Variants in RBBP6 observed in about 807,000 individuals in gnomAD.
RBBP6 encodes RB binding protein 6, ubiquitin ligase, also known as E3 ubiquitin-protein ligase RBBP6.
Under a neutral mutation model 167.7 loss-of-function variants are expected in RBBP6, and 25 were observed. That is an observed-to-expected ratio of 0.15 (90% confidence interval 0.11 to 0.21). The LOEUF (loss-of-function observed/expected upper bound fraction) is 0.21, where lower values mean the gene tolerates loss of function less well. RBBP6 is among the 10% of genes least tolerant of loss of function. The probability of loss-of-function intolerance (pLI) is 1.00; values close to 1 mark genes in which losing one functional copy is unlikely to be tolerated. For synonymous variants in RBBP6, 789 were observed against 735.8 expected (o/e 1.07, Z -1.17); for missense variants, 1,868 against 2,134.2 (o/e 0.88, Z 2.46).
intron 8 of RBBP6, among the ~76,000 whole-genome samples, chr16:24,560,862 C>G (rs889053062): frequency 6.6e-6 from 1 of 152,114 alleles, no homozygotes; most frequent in Non-Finnish European, 1.5e-5. Context: ...CATCTACAGA[C>G]GTTATCTTCA....
At chr16:24,561,456 A>AT (rs1899053333) in intron 8 of RBBP6, among the ~76,000 whole-genome samples, 156 bp from the exon 9 acceptor site, 1 of 152,186 alleles carries the variant, frequency 6.6e-6, no homozygotes. Context: ...AAGATGAGAG[A>AT]TTTTACTTAA....
Position 24,571,176 on chromosome 16 carries a change from C to T in RBBP6, c.4110C>T (p.Ser1370=), listed in dbSNP as rs780058681. ...ATCCTGAGAAAGAAAGTGAGCCATC[C>T]GAGAAAATTCAGAAATTCACCAAGG... The part of the protein sequence containing the change: ...VKYPEKESEP[S]EKIQKFTKDV... Residue 1370 remains serine, a synonymous_variant, in exon 18 of 18, where the codon TCC becomes TCT. Coordinates refer to ENST00000319715, the MANE Select transcript of RBBP6 (RefSeq NM_006910.5). 2.7e-5 allele frequency: 43 copies of T among 1,613,406 alleles called. No individual in the cohort carries two copies. Among genetic ancestry groups the T allele is most frequent in the African/African-American group, 4.0e-5 (3 of 74,810 alleles).
intron 4 of RBBP6, 172 bp from the exon 5 acceptor site, chr16:24,555,443 T>G (rs1898890203): frequency 3.5e-6 from 2 of 572,236 alleles, no homozygotes; most frequent in Non-Finnish European, 6.2e-6. Flanking sequence ...CTAAACATCA[T>G]GTAATTACCT....
In RBBP6 at chr16:24,571,667, C is replaced by G. The variant is rs763378882; in HGVS notation, c.4601C>G (p.Ser1534Cys). The part of the protein sequence containing the change: ...KGTGDSKKSN[S>C]SPSRDRKPHD... ...ACAGGAGATTCCAAAAAAAGTAATT[C>G]TAGTCCCTCAAGAGACAGAAAACCT... Residue 1534 changes from serine (S) to cysteine (C), a missense_variant, in exon 18 of 18, where the codon TCT becomes TGT. By Grantham distance (112) the Ser-to-Cys change is moderately radical. Around this residue, in one of 7 missense-constraint regions of RBBP6, gnomAD observed 591 missense variants for 540.5 expected, o/e 1.09. Transcript: ENST00000319715. The G allele has an allele frequency of 3.7e-6, 6 of 1,613,848 alleles. No homozygotes were observed. Among genetic ancestry groups the G allele is most frequent in the Non-Finnish European group, 2.5e-6 (3 of 1,179,936 alleles).
intron 14 of RBBP6, among the ~76,000 whole-genome samples, chr16:24,565,246 T>C (rs1899165489): frequency 6.6e-6 from 1 of 152,118 alleles, no homozygotes; most frequent in Non-Finnish European, 1.5e-5. Flanking sequence ...TGAACAAGAA[T>C]TGCAACTATT....
rs1899228107 is a variant in RBBP6 at position 24,567,669 on chromosome 16, T to G, written c.1953-123T>G. On this transcript the variant is annotated intron_variant, in intron 15 of 17. Coordinates refer to ENST00000319715, the MANE Select transcript of RBBP6 (RefSeq NM_006910.5). ...CAACTTCTCAGGGATTCCTAGTTTA[T>G]AGTTTTAAAGTGGAAAACTAATGGC... 5 of 1,254,602 alleles carry G rather than the reference T, an allele frequency of 4.0e-6. No individual in the cohort carries two copies. The African/African-American group carries it at 6.1e-5, about 15-fold the overall frequency. The allele number at this position is 1,254,602 out of a possible 1,614,324, so 77.7% of individuals were successfully genotyped here. A position where few individuals can be genotyped will look rare whatever the true frequency, so the allele number is the denominator to read the frequency against.
intron 1 of RBBP6, among the ~76,000 whole-genome samples, chr16:24,544,408 G>A (rs987177476): frequency 2.0e-5 from 3 of 152,062 alleles, no homozygotes; most frequent in Non-Finnish European, 2.9e-5. Context: ...CCTTCTACTT[G>A]AAGTATATAG....
Position 24,559,589 on chromosome 16 carries a change from C to A in RBBP6, c.759C>A (p.Ile253=). 1.9e-6 allele frequency: 3 copies of A among 1,607,910 alleles called. No individual in the cohort carries two copies. The highest frequency in any genetic ancestry group is 1.7e-6 in the Non-Finnish European group (2 of 1,176,988). Residue 253 remains isoleucine, a synonymous_variant, in exon 8 of 18, where the codon ATC becomes ATA. Transcript: ENST00000319715. ...CTTCCTCAGAAGAAGATGATCCTAT[C>A]CCAGATGAATTGTTGTGTCTCATCT... is the stretch of plus-strand genomic sequence containing the variant. ...PSSSSEEDDP[I]PDELLCLICK...
chr16:24,563,265 A>C lies in RBBP6; in HGVS notation c.1356A>C (p.Ser452=). 1 of 1,611,200 alleles carries C rather than the reference A, an allele frequency of 6.2e-7. No individual in the cohort carries two copies. The highest frequency in any genetic ancestry group is 8.5e-7 in the Non-Finnish European group (1 of 1,178,722). Residue 452 remains serine (S), a synonymous_variant, in exon 11 of 18, where the codon TCA becomes TCC. Coordinates refer to ENST00000319715, the MANE Select transcript of RBBP6 (RefSeq NM_006910.5). ...LASEHSKGTS[S]IAITALMEEK... The stretch of plus-strand genomic sequence containing the variant: ...CAGAGCACTCAAAGGGAACCTCCTC[A>C]ATTGCAATTACCGCTCTTATGGAAG...
At position 24,563,281 on chromosome 16, in the gene RBBP6, C is replaced by T; in HGVS notation, c.1372C>T (p.Leu458Phe). 1.2e-6 allele frequency: 2 copies of T among 1,608,218 alleles called. No homozygotes were observed. Among genetic ancestry groups the T allele is most frequent in the African/African-American group, 1.3e-5 (1 of 74,610 alleles). The change falls in exon 11 of 18, where the codon CTT becomes TTT. Residue 458 changes from leucine to phenylalanine, a missense_variant. Physicochemically the swap from Leu to Phe is conservative, Grantham distance 22. This residue lies in a region of RBBP6 where 245 missense variants were observed against 240.1 expected (regional missense o/e 1.02). Coordinates refer to ENST00000319715, the MANE Select transcript of RBBP6 (RefSeq NM_006910.5). ...KGTSSIAITALMEEKGYQVPV... is the reference protein window; with the variant it reads ...KGTSSIAITAFMEEKGYQVPV... ...AACCTCCTCAATTGCAATTACCGCTCTTATGGAAGAGAAGGTAAATTTTAC... is the reference window on the plus strand; with the variant it reads ...AACCTCCTCAATTGCAATTACCGCTTTTATGGAAGAGAAGGTAAATTTTAC...
chr16:24,564,416 G>A (rs1323334334), intron 13 of RBBP6, among the ~76,000 whole-genome samples: 2 of 151,988 alleles, frequency 1.3e-5, no homozygotes, highest in African/African-American at 2.4e-5. Context: ...CCATTTCCTC[G>A]TTTGGATTTG....
chr16:24,569,103 C>A lies in RBBP6; in HGVS notation c.2413C>A (p.Pro805Thr), dbSNP rs1207273708. The change falls in exon 17 of 18, where the codon CCA (proline) becomes ACA (threonine). Residue 805 changes from proline to threonine, a missense_variant. Physicochemically the swap from Pro to Thr is conservative, Grantham distance 38. This residue lies in a region of RBBP6 where 673 missense variants were observed against 691.5 expected (regional missense o/e 0.97). Transcript: ENST00000319715. ...YFNRYREVPP[P>T]YDMKAYYGRS... ...TAATAGATACAGAGAAGTTCCACCACCATATGACATGAAAGCATATTATGG... is the reference window on the plus strand; with the variant it reads ...TAATAGATACAGAGAAGTTCCACCAACATATGACATGAAAGCATATTATGG... 1.9e-6 allele frequency: 3 copies of A among 1,613,588 alleles called. No individual in the cohort carries two copies. Among genetic ancestry groups the A allele is most frequent in the Non-Finnish European group, 2.5e-6 (3 of 1,179,880 alleles).
rs2141480923 is a variant in RBBP6 at position 24,572,133 on chromosome 16, G to T, written c.5067G>T (p.Arg1689Ser). 6.2e-7 allele frequency: 1 copy of T among 1,614,096 alleles called. No individual in the cohort carries two copies. Among genetic ancestry groups the T allele is most frequent in the Non-Finnish European group, 8.5e-7 (1 of 1,180,004 alleles). Reference protein sequence around the residue: ...TAAVVQVGISRNQSHSSPSVS... With the variant: ...TAAVVQVGISSNQSHSSPSVS... ...CAGTTGTCCAGGTGGGCATAAGCAGGAATCAGAGCCACAGCAGCCCCAGCG... is the reference window on the plus strand; with the variant it reads ...CAGTTGTCCAGGTGGGCATAAGCAGTAATCAGAGCCACAGCAGCCCCAGCG... Residue 1689 changes from arginine to serine, a missense_variant, in exon 18 of 18, where the codon AGG (arginine) becomes AGT (serine). Arg to Ser is a moderately radical substitution (Grantham distance 110). Around this residue, in one of 7 missense-constraint regions of RBBP6, gnomAD observed 591 missense variants for 540.5 expected, o/e 1.09. Transcript: ENST00000319715.
intron 16 of RBBP6, 42 bp from the exon 17 acceptor site, chr16:24,568,703 T>A: frequency 1.3e-6 from 2 of 1,554,862 alleles, no homozygotes; most frequent in Non-Finnish European, 1.7e-6. Context: ...TTATTTTGTA[T>A]GTATTTCTCA....
chr16:24,570,868 C>G lies in RBBP6; in HGVS notation c.3810-8C>G. On this transcript the variant is annotated splice_polypyrimidine_tract_variant and splice_region_variant and intron_variant, in intron 17 of 17. Coordinates refer to ENST00000319715, the MANE Select transcript of RBBP6 (RefSeq NM_006910.5). ...CATTAATTAAAAATATTTTGTTATT[C>G]TTTTTAGTACGAGCTCAACTGGAGG... 7.0e-7 allele frequency: 1 copy of G among 1,428,656 alleles called. No individual in the cohort carries two copies. The highest frequency in any genetic ancestry group is 9.2e-7 in the Non-Finnish European group (1 of 1,082,920). 88.5% of individuals were successfully genotyped at this position (1,428,656 alleles called of 1,614,324 possible).
At chr16:24,558,237 A>G (rs757053450) in intron 7 of RBBP6, among the ~76,000 whole-genome samples, 3 of 152,194 alleles carry the variant, frequency 2.0e-5, no homozygotes, top group Non-Finnish European at 4.4e-5. Context: ...CAAATGCCCA[A>G]TTGTGCCAGA....
chr16:24,549,056 T>C (rs962191652), intron 3 of RBBP6, 75 bp downstream of exon 3: 2 of 1,568,958 alleles, frequency 1.3e-6, no homozygotes, highest in Non-Finnish European at 1.7e-6. Flanking sequence ...AAGTAAATCA[T>C]TTTAGAACTT....
At chr16:24,570,759 G>T in intron 17 of RBBP6, 117 bp from the exon 18 acceptor site, 2 of 976,234 alleles carry the variant, frequency 2.0e-6, no homozygotes, top group South Asian at 3.2e-5. Flanking sequence ...TAAGTTTTTT[G>T]TTTTTTTTAA....
intron 11 of RBBP6, 53 bp from the exon 12 acceptor site, chr16:24,563,369 TC>T (rs1299798419): frequency 2.1e-5 from 31 of 1,441,910 alleles, no homozygotes; most frequent in South Asian, 2.6e-5. Flanking sequence ...TGTTCTTACC[TC>T]TTTTTTTTTT....
Sources: allele counts gnomAD v4.1 joint callset (sites outside exome capture counted in the v4.1 genomes callset), GRCh38; gene constraint gnomAD v4.1.1; regional missense constraint gnomAD v4.1.1; transcripts MANE v1.5; gene names NCBI Gene and HGNC (gene_info 2026-07-23, HGNC 2026-07-21).